The following POLE variants were observed in gnomAD, a reference collection of about 807,000 sequenced individuals.
POLE encodes DNA polymerase epsilon, catalytic subunit.
A neutral mutation model predicts 279.2 loss-of-function variants in POLE; 188 were observed. The observed-to-expected ratio is 0.67, with a 90% CI of 0.60 to 0.76. The LOEUF is 0.76. POLE is among the 30% of genes least tolerant of loss of function. The probability of loss-of-function intolerance (pLI) is 0.00; values close to 1 mark genes in which losing one functional copy is unlikely to be tolerated. For synonymous variants in POLE, 1,214 were observed against 1,172.5 expected (o/e 1.04, Z -0.72); for missense variants, 2,703 against 3,016.7 (o/e 0.90, Z 2.44).
At chr12:132,674,056 A>C (rs1427585663) in intron 12 of POLE, among the ~76,000 whole-genome samples, 2 of 152,106 alleles carry the variant, frequency 1.3e-5, no homozygotes, top group Non-Finnish European at 2.9e-5. Flanking sequence ...AGTTCTATCA[A>C]CCACACTGAT....
Position 132,641,771 on chromosome 12 carries a change from C to A in POLE, c.5254G>T (p.Asp1752Tyr), listed in dbSNP as rs1335665224. 1.2e-6 allele frequency: 2 copies of A among 1,609,872 alleles called. No individual in the cohort carries two copies. Among genetic ancestry groups the A allele is most frequent in the South Asian group, 2.2e-5 (2 of 91,068 alleles). The change falls in exon 39 of 49, where the codon GAC becomes TAC. Residue 1752 changes from aspartate to tyrosine, a missense_variant. This residue lies in a region of POLE where 1,551 missense variants were observed against 1,686.1 expected (regional missense o/e 0.92). Coordinates refer to ENST00000320574, the MANE Select transcript of POLE (RefSeq NM_006231.4). ...ACGTCGAAGCTGATCCCCATGCTGT[C>A]GGCCCCCTCCATGTCGTTGACATGG... ...SHHVNDMEGA[D>Y]SMGISFDVIQ...
rs769190256 is a variant in POLE, at chr12:132,677,419, G to C, written c.745C>G (p.Arg249Gly). The change falls in exon 8 of 49, where the codon CGA becomes GGA. Residue 249 changes from arginine to glycine, a missense_variant. Arg to Gly is a moderately radical substitution (Grantham distance 125). Around this residue, in one of 5 missense-constraint regions of POLE, gnomAD observed 1,011 missense variants for 1,111.7 expected, o/e 0.91. Transcript: ENST00000320574. ...HVAHWYNVRY[R>G]GNAFPVEITR... ...ATTTCTACCGGAAAAGCATTTCCTCGGTATCTGACATTGTACCAATGAGCC... is the reference window on the plus strand; with the variant it reads ...ATTTCTACCGGAAAAGCATTTCCTCCGTATCTGACATTGTACCAATGAGCC... The C allele has an allele frequency of 6.2e-7, 1 of 1,613,932 alleles. No individual in the cohort carries two copies.
In POLE at chr12:132,634,438, G is replaced by A. The variant is rs2041996493; in HGVS notation, c.5812-60C>T. 3.9e-6 allele frequency: 6 copies of A among 1,529,406 alleles called. No homozygotes were observed. The highest frequency in any genetic ancestry group is 3.5e-5 in the Admixed American group (2 of 56,566). The allele number at this position is 1,529,406 out of a possible 1,614,324, so 94.7% of individuals were successfully genotyped here. ...CCATCGCGGCCTGGTAGAGGGGTAG[G>A]ATGCCACAGCGAAGGCTCCTCCAAC... On this transcript the variant is annotated intron_variant, in intron 42 of 48. Transcript: ENST00000320574. The surrounding 1 kb of genome is among the most constrained non-coding windows in gnomAD (Gnocchi z 4.0).
intron 29 of POLE, 74 bp downstream of exon 29, chr12:132,657,062 A>G: frequency 6.6e-7 from 1 of 1,511,060 alleles, no homozygotes; most frequent in South Asian, 1.1e-5. Context: ...CAGCACACAC[A>G]GCAGCGCAAG....
intron 41 of POLE, among the ~76,000 whole-genome samples, chr12:132,636,913 G>A (rs537035478): frequency 2.0e-5 from 3 of 152,352 alleles, no homozygotes; most frequent in Non-Finnish European, 2.9e-5. Flanking sequence ...TGCTCTTCGC[G>A]CTAAGGAAGA....
At chr12:132,673,326 G>A (rs747990495) in intron 13 of POLE, 49 bp from the exon 14 acceptor site, 5 of 1,347,692 alleles carry the variant, frequency 3.7e-6, no homozygotes, top group Non-Finnish European at 5.3e-6. Context: ...CAAGAGCCCA[G>A]GGTCAAGTGT....
At chr12:132,654,069 T>C (rs1205517420) in intron 29 of POLE, among the ~76,000 whole-genome samples, 1 of 152,232 alleles carries the variant, frequency 6.6e-6, no homozygotes, top group African/African-American at 2.4e-5. Flanking sequence ...TTGATATTTT[T>C]TCATCTATTG....
At position 132,642,304 on chromosome 12, in the gene POLE, G is replaced by A. The variant is rs769284070; in HGVS notation, c.5046C>T (p.His1682=). ...FFARHLQRHN[H]LLWLSPTARP... ...GGGCTGTAGGGGACAGCCAGAGCAG[G>A]TGGTTGTGGCGCTGGAGGTGGCGGG... The change falls in exon 38 of 49, where the codon CAC becomes CAT. Residue 1682 remains histidine (H), a synonymous_variant. Coordinates refer to ENST00000320574, the MANE Select transcript of POLE (RefSeq NM_006231.4). The A allele has an allele frequency of 1.9e-5, 30 of 1,603,954 alleles. 1 individual carries two copies. The South Asian group carries it at 1.9e-4, about 10-fold the overall frequency.
Position 132,668,878 on chromosome 12 carries a change from C to T in POLE, c.1856G>A (p.Cys619Tyr), listed in dbSNP as rs752456199. The T allele has an allele frequency of 3.7e-5, 59 of 1,613,968 alleles. No homozygotes were observed. Among genetic ancestry groups the T allele is most frequent in the Non-Finnish European group, 4.8e-5 (57 of 1,179,984 alleles). ...CACGTCCAGGTGGTAGATGAGTGGA[C>T]ACTCGATGCGGCTGGGAACGTCCTT... The part of the protein sequence containing the change: ...SLKDVPSRIE[C>Y]PLIYHLDVGA... The change falls in exon 17 of 49, where the codon TGT becomes TAT. Residue 619 changes from cysteine (C) to tyrosine (Y), a missense_variant. Physicochemically the swap from Cys to Tyr is radical, Grantham distance 194 (BLOSUM62 -2). Around this residue, in one of 5 missense-constraint regions of POLE, gnomAD observed 1,011 missense variants for 1,111.7 expected, o/e 0.91. Transcript: ENST00000320574. The surrounding 1 kb of genome is among the most constrained non-coding windows in gnomAD (Gnocchi z 4.0).
chr12:132,669,054 G>A, intron 16 of POLE, 115 bp from the exon 17 acceptor site: 1 of 910,462 alleles, frequency 1.1e-6, no homozygotes. Context: ...TATAAATAGA[G>A]CAAAAACTAG....
intron 5 of POLE, 64 bp from the exon 6 acceptor site, chr12:132,679,715 A>T: frequency 6.5e-7 from 1 of 1,545,096 alleles, no homozygotes; most frequent in South Asian, 1.2e-5. Flanking sequence ...GTGAGAGGGT[A>T]AACACTCAAA....
chr12:132,656,813 A>T (rs971005227), intron 29 of POLE, among the ~76,000 whole-genome samples: 6 of 152,196 alleles, frequency 3.9e-5, no homozygotes, highest in African/African-American at 1.4e-4. Context: ...TCCATAGGGA[A>T]GATATTCATT....
intron 45 of POLE, among the ~76,000 whole-genome samples, chr12:132,629,432 C>T (rs979707584): frequency 1.3e-5 from 2 of 152,222 alleles, no homozygotes; most frequent in African/African-American, 4.8e-5. Context: ...GTCAGTGTAG[C>T]CACCTTCGCC....
chr12:132,631,997 C>T (rs991284856), intron 45 of POLE, among the ~76,000 whole-genome samples: 2 of 152,186 alleles, frequency 1.3e-5, no homozygotes, highest in African/African-American at 2.4e-5. Flanking sequence ...GCACAGATGC[C>T]GCAACTGTGG....
chr12:132,637,598 G>A (rs1442034209), intron 41 of POLE, among the ~76,000 whole-genome samples: 1 of 152,204 alleles, frequency 6.6e-6, no homozygotes, highest in Non-Finnish European at 1.5e-5. Context: ...TGAGAGCTGT[G>A]CACACCTGAG....
chr12:132,646,929 G>A (rs1238675949), intron 32 of POLE, among the ~76,000 whole-genome samples: 1 of 152,080 alleles, frequency 6.6e-6, no homozygotes, highest in Non-Finnish European at 1.5e-5. Context: ...GAATGCCTGA[G>A]CTCAAGCAAT....
In POLE at chr12:132,672,068, A is replaced by G. The variant is rs935299366; in HGVS notation, c.1794+147T>C. Reference sequence around the variant, plus strand: ...TGTGACAGCATCACACGTCACAACCATGACTGCCCTGTCCCACCAGAGACC... The same window carrying G: ...TGTGACAGCATCACACGTCACAACCGTGACTGCCCTGTCCCACCAGAGACC... On this transcript the variant is annotated intron_variant, in intron 16 of 48. Coordinates refer to ENST00000320574, the MANE Select transcript of POLE (RefSeq NM_006231.4). 2.3e-5 allele frequency: 15 copies of G among 640,802 alleles called. No homozygotes were observed. The Admixed American group carries it at 2.6e-4, about 11-fold the overall frequency. 39.7% of individuals were successfully genotyped at this position (640,802 alleles called of 1,614,324 possible). A position where few individuals can be genotyped will look rare whatever the true frequency, so the allele number is the denominator to read the frequency against.
chr12:132,686,307 G>C (rs1302479514), intron 1 of POLE, among the ~76,000 whole-genome samples: 1 of 152,102 alleles, frequency 6.6e-6, no homozygotes, highest in Non-Finnish European at 1.5e-5. Flanking sequence ...GCCCAGGCTG[G>C]AGTGCGGTGG....
rs371712284 is a variant in POLE, at chr12:132,643,556, G to A, written c.4295C>T (p.Pro1432Leu). The A allele has an allele frequency of 1.4e-5, 22 of 1,614,048 alleles. No individual in the cohort carries two copies. Among genetic ancestry groups the A allele is most frequent in the South Asian group, 2.2e-5 (2 of 91,084 alleles). ...DIEGVYETQV[P>L]LLFRALVHLG... is the part of the protein sequence containing the mutation. The stretch of plus-strand genomic sequence containing the variant: ...GTGCACCAGGGCCCGGAACAGTAAC[G>A]GAACCTGGAAGAATCGGGCAGACAG... The change falls in exon 34 of 49, where the codon CCG becomes CTG. Residue 1432 changes from proline (P) to leucine (L), a missense_variant. By Grantham distance (98) the Pro-to-Leu change is moderately conservative. This residue lies in a region of POLE where 1,551 missense variants were observed against 1,686.1 expected (regional missense o/e 0.92). Transcript: ENST00000320574.
Sources: gnomAD v4.1 joint callset for allele counts (sites outside exome capture counted in the v4.1 genomes callset) on GRCh38, gnomAD v4.1.1 for gene constraint, gnomAD v4.1.1 regional missense constraint, Gnocchi (gnomAD v3.1) non-coding constraint, MANE v1.5 for transcripts, NCBI Gene and HGNC (gene_info 2026-07-23, HGNC 2026-07-21) for gene names.